DSCAML1: variants seen among roughly 807,000 people sequenced by gnomAD.
DSCAML1 encodes DS cell adhesion molecule like 1.
DSCAML1 carries 38 observed loss-of-function variants against 200.5 expected under a neutral mutation model. The observed-to-expected ratio is 0.19, with a 90% confidence interval of 0.15 to 0.25. DSCAML1 has a LOEUF of 0.25. Ranked by LOEUF, DSCAML1 falls within the 10% of genes least tolerant of loss-of-function variation. The probability of loss-of-function intolerance (pLI) is 1.00; values close to 1 mark genes in which losing one functional copy is unlikely to be tolerated. For missense variants in DSCAML1, 2,223 were observed against 2,858.8 expected, an observed-to-expected ratio of 0.78 and a Z score of 5.07; for synonymous variants, 1,215 against 1,165.0, an observed-to-expected ratio of 1.04 and a Z score of -0.87.
At chr11:117,582,590 T>G (rs1210044762) in intron 3 of DSCAML1, among the ~76,000 whole-genome samples, 2 of 151,994 alleles carry the variant, frequency 1.3e-5, no homozygotes, top group Non-Finnish European at 2.9e-5. Flanking sequence ...AGAGAGAGAG[T>G]TACTCATGCT....
At chr11:117,650,446 G>A (rs1201852061) in intron 3 of DSCAML1, among the ~76,000 whole-genome samples, 1 of 152,186 alleles carries the variant, frequency 6.6e-6, no homozygotes, top group East Asian at 1.9e-4. Flanking sequence ...GCCCTGAAGA[G>A]ATGCAGCTGC....
At chr11:117,645,709 A>G (rs906376857) in intron 3 of DSCAML1, among the ~76,000 whole-genome samples, 11 of 133,024 alleles carry the variant, frequency 8.3e-5, no homozygotes, top group African/African-American at 2.6e-4. Context: ...ATGAGAACAC[A>G]TGGACACAGG....
At chr11:117,536,433 A>C (rs904226680) in intron 3 of DSCAML1, among the ~76,000 whole-genome samples, 5 of 152,202 alleles carry the variant, frequency 3.3e-5, no homozygotes, top group African/African-American at 4.8e-5. Flanking sequence ...CTCTGCTTTG[A>C]GGCAGGCTGG....
At chr11:117,493,436 C>A (rs2049227217) in intron 11 of DSCAML1, among the ~76,000 whole-genome samples, 1 of 151,692 alleles carries the variant, frequency 6.6e-6, no homozygotes, top group Non-Finnish European at 1.5e-5. Context: ...CCTGCCTCAG[C>A]CTCCTTAGTA....
chr11:117,738,473 T>C (rs80177566), intron 3 of DSCAML1, among the ~76,000 whole-genome samples: 2,193 of 152,064 alleles, frequency 0.014, 46 homozygotes, highest in African/African-American at 0.048. Context: ...CAACCATGCT[T>C]CCTCCTCACC....
chr11:117,743,510 G>A lies in DSCAML1; in HGVS notation c.511+33281C>T, dbSNP rs558151876. Reference sequence around the variant, plus strand: ...TCCACAGGGAGCCATCTGCCCACCAGTTCCCCAACATACAGGATGCTGAGC... The same window carrying A: ...TCCACAGGGAGCCATCTGCCCACCAATTCCCCAACATACAGGATGCTGAGC... On this transcript the variant is annotated intron_variant, in intron 3 of 32. Coordinates refer to ENST00000651296, the MANE Select transcript of DSCAML1 (RefSeq NM_020693.4). Among the ~76,000 whole-genome samples, 94 of 152,284 alleles carry A rather than the reference G, an allele frequency of 6.2e-4. 1 individual carries two copies. Among genetic ancestry groups the A allele is most frequent in the East Asian group, 2.7e-3 (14 of 5,168 alleles).
chr11:117,436,401 C>A (rs1435145394), intron 26 of DSCAML1, among the ~76,000 whole-genome samples: 2 of 152,248 alleles, frequency 1.3e-5, no homozygotes, highest in East Asian at 3.9e-4. Context: ...ATGAAGCCTT[C>A]CTTGCTTGAG....
intron 3 of DSCAML1, among the ~76,000 whole-genome samples, chr11:117,614,278 C>T (rs1744411121): frequency 6.6e-6 from 1 of 152,140 alleles, no homozygotes; most frequent in African/African-American, 2.4e-5. Flanking sequence ...AGCCCAGTGT[C>T]CTCGGGAGTG....
At chr11:117,435,583 G>C in intron 27 of DSCAML1, 61 bp downstream of exon 27, 1 of 1,527,780 alleles carries the variant, frequency 6.5e-7, no homozygotes, top group East Asian at 2.3e-5. Flanking sequence ...AGGGAAGGGG[G>C]GGGACAATGT....
chr11:117,581,765 C>T (rs1351280207), intron 3 of DSCAML1, among the ~76,000 whole-genome samples: 1 of 152,180 alleles, frequency 6.6e-6, no homozygotes, highest in Non-Finnish European at 1.5e-5. Context: ...TAAGGTCATG[C>T]AGCTGGTAAG....
At chr11:117,733,698 T>C (rs1248047111) in intron 3 of DSCAML1, among the ~76,000 whole-genome samples, 1 of 152,220 alleles carries the variant, frequency 6.6e-6, no homozygotes, top group Non-Finnish European at 1.5e-5. Flanking sequence ...TATGTGCACA[T>C]CTTGTCTTTT....
In DSCAML1 at chr11:117,734,980, T is replaced by G. The variant is rs1290355248; in HGVS notation, c.511+41811A>C. Among the ~76,000 whole-genome samples the G allele has an allele frequency of 2.6e-5, 4 of 152,158 alleles. No individual in the cohort carries two copies. The East Asian group carries it at 5.8e-4, about 22-fold the overall frequency. On this transcript the variant is annotated intron_variant, in intron 3 of 32. Coordinates refer to ENST00000651296, the MANE Select transcript of DSCAML1 (RefSeq NM_020693.4). Reference sequence around the variant, plus strand: ...AAGTCATCTTTCCTGCAAGAAAGCTTGGGACTTGGGGAGGGGGGCGTTTAA... The same window carrying G: ...AAGTCATCTTTCCTGCAAGAAAGCTGGGGACTTGGGGAGGGGGGCGTTTAA...
intron 3 of DSCAML1, among the ~76,000 whole-genome samples, chr11:117,730,382 A>G (rs1259795241): frequency 6.6e-6 from 1 of 152,190 alleles, no homozygotes; most frequent in Non-Finnish European, 1.5e-5. Context: ...AGCCTCCAGA[A>G]AGAATGCAGC....
chr11:117,481,865 C>T (rs2048929514), intron 12 of DSCAML1, 98 bp downstream of exon 12: 1 of 1,427,890 alleles, frequency 7.0e-7, no homozygotes. Context: ...GAGGGGCTCC[C>T]AGGCTCCCCA....
chr11:117,606,564 A>T (rs924771473), intron 3 of DSCAML1, among the ~76,000 whole-genome samples: 1 of 152,182 alleles, frequency 6.6e-6, no homozygotes, highest in Non-Finnish European at 1.5e-5. Context: ...AACTCTCCAG[A>T]ATATTCTCTC....
chr11:117,641,188 G>A (rs1200497764), intron 3 of DSCAML1, among the ~76,000 whole-genome samples: 1 of 152,168 alleles, frequency 6.6e-6, no homozygotes, highest in Non-Finnish European at 1.5e-5. Context: ...CAGGACTGGG[G>A]ACTAGTTGAC....
chr11:117,639,370 G>A (rs529758845), intron 3 of DSCAML1, among the ~76,000 whole-genome samples: 39 of 149,550 alleles, frequency 2.6e-4, no homozygotes, highest in East Asian at 6.0e-4. Flanking sequence ...ATGGGAGGCC[G>A]GATGGGTAGG....
chr11:117,539,343 C>T (rs1051383279), intron 3 of DSCAML1, among the ~76,000 whole-genome samples: 27 of 152,072 alleles, frequency 1.8e-4, no homozygotes, highest in Non-Finnish European at 3.1e-4. Flanking sequence ...CGCAGTGGCT[C>T]ACACCTATAA....
intron 16 of DSCAML1, 66 bp from the exon 17 acceptor site, chr11:117,465,248 CA>C (rs1039398983): frequency 1.3e-5 from 20 of 1,582,246 alleles, no homozygotes; most frequent in Admixed American, 1.7e-5. Context: ...CTCTTAAAAC[CA>C]AAGTCAGATC....
Sources: gnomAD v4.1 joint callset for allele counts (sites outside exome capture counted in the v4.1 genomes callset) on GRCh38, gnomAD v4.1.1 for gene constraint, MANE v1.5 for transcripts, NCBI Gene and HGNC (gene_info 2026-07-23, HGNC 2026-07-21) for gene names.